The following DGLUCY variants were observed in gnomAD, a reference collection of about 807,000 sequenced individuals.
DGLUCY encodes D-glutamate cyclase, mitochondrial.
A neutral mutation model predicts 58.5 loss-of-function variants in DGLUCY; 58 were observed. The observed-to-expected ratio is 0.99, with a 90% confidence interval of 0.80 to 1.23. DGLUCY has a LOEUF of 1.23. DGLUCY is among the 50% of genes most tolerant of loss of function. The probability of loss-of-function intolerance (pLI) is 0.00; values close to 1 mark genes in which losing one functional copy is unlikely to be tolerated. For synonymous variants in DGLUCY, 325 were observed against 314.1 expected (o/e 1.03, Z -0.37); for missense variants, 779 against 784.7 (o/e 0.99, Z 0.09).
At chr14:91,072,180 C>T (rs972673724) in intron 1 of DGLUCY, among the ~76,000 whole-genome samples, 2 of 151,892 alleles carry the variant, frequency 1.3e-5, no homozygotes, top group South Asian at 4.2e-4. Flanking sequence ...AAAAACTAAC[C>T]AGGCATAGTG....
At chr14:91,106,176 C>T (rs1295129861), upstream of DGLUCY, among the ~76,000 whole-genome samples, 2 of 150,940 alleles carry the variant, frequency 1.3e-5, no homozygotes, top group East Asian at 2.0e-4. Context: ...GGCATGGTGA[C>T]GTGCGCCTGT....
intron 1 of DGLUCY, among the ~76,000 whole-genome samples, chr14:91,127,525 G>A (rs1276713086): frequency 6.6e-6 from 1 of 152,228 alleles, no homozygotes; most frequent in Non-Finnish European, 1.5e-5. Flanking sequence ...CAACACACTG[G>A]GCCTGGGCCA....
intron 1 of DGLUCY, among the ~76,000 whole-genome samples, chr14:91,074,118 TACACACACACACACACAC>T (rs3086753): frequency 1.4e-5 from 1 of 70,342 alleles, no homozygotes; most frequent in East Asian, 3.8e-4. Context: ...TATATATATA[TACACACACACACACACAC>T]ACACACACAC....
chr14:91,075,605 T>A lies in DGLUCY; in HGVS notation c.-82+14901T>A, dbSNP rs1282282732. Among the ~76,000 whole-genome samples, 3 of 152,204 alleles carry A rather than the reference T, an allele frequency of 2.0e-5. No individual in the cohort carries two copies. The East Asian group carries it at 5.8e-4, about 29-fold the overall frequency. ...GTTGTTGTTTTATTTTCCTGCTTGC[T>A]TTAGTCTTTCTAACTGGCTGACTGT... On this transcript the variant is annotated intron_variant, in intron 1 of 4. Coordinates refer to the DGLUCY transcript ENST00000521334.
chr14:91,205,213 G>T (rs1405967714), intron 12 of DGLUCY, among the ~76,000 whole-genome samples: 3 of 152,220 alleles, frequency 2.0e-5, no homozygotes, highest in Admixed American at 2.0e-4. Context: ...GGTCAGGAAG[G>T]CTTTTCTGAA....
chr14:91,069,299 G>A (rs922016542), intron 1 of DGLUCY, among the ~76,000 whole-genome samples: 8 of 152,086 alleles, frequency 5.3e-5, no homozygotes, highest in South Asian at 2.1e-4. Flanking sequence ...ATTTTGGGAC[G>A]GAGTCTTGCT....
intron 10 of DGLUCY, among the ~76,000 whole-genome samples, chr14:91,198,725 G>A (rs1039583362): frequency 6.6e-6 from 1 of 152,148 alleles, no homozygotes; most frequent in African/African-American, 2.4e-5. Flanking sequence ...AACCAACACT[G>A]ACTGAGCACT....
At chr14:91,198,512 A>G (rs552129393) in intron 10 of DGLUCY, among the ~76,000 whole-genome samples, 8 of 150,820 alleles carry the variant, frequency 5.3e-5, no homozygotes, top group Non-Finnish European at 1.2e-4. Flanking sequence ...ACACCTGGCT[A>G]ATTTCTGTAT....
chr14:91,077,633 TC>T (rs756502742), intron 1 of DGLUCY, among the ~76,000 whole-genome samples: 22 of 151,674 alleles, frequency 1.5e-4, no homozygotes, highest in Non-Finnish European at 2.4e-4. Context: ...GCGCCTGTAG[TC>T]CCAGCTACTC....
At chr14:91,192,995 G>A (rs1453388054) in intron 9 of DGLUCY, among the ~76,000 whole-genome samples, 1 of 152,156 alleles carries the variant, frequency 6.6e-6, no homozygotes, top group Non-Finnish European at 1.5e-5. Context: ...GAGAAATTGG[G>A]AGGCTGTTGG....
chr14:91,189,666 G>C (rs1044423126), intron 9 of DGLUCY: 5 of 167,538 alleles, frequency 3.0e-5, no homozygotes, highest in African/African-American at 1.2e-4. Flanking sequence ...CCAGATCAGC[G>C]TCGGGCTCAA....
intron 1 of DGLUCY, among the ~76,000 whole-genome samples, chr14:91,142,126 G>A (rs1037283308): frequency 2.0e-5 from 3 of 152,268 alleles, no homozygotes; most frequent in East Asian, 3.9e-4. Context: ...GATTACAGGC[G>A]TGAGCCATCG....
intron 1 of DGLUCY, among the ~76,000 whole-genome samples, chr14:91,143,078 T>TTTTTG (rs1299297287): frequency 7.3e-5 from 11 of 151,296 alleles, no homozygotes; most frequent in African/African-American, 2.7e-4. Context: ...GGCAGTTCTT[T>TTTTTG]TTTTGTTTTG....
chr14:91,123,849 A>C (rs1187281706), intron 1 of DGLUCY, among the ~76,000 whole-genome samples: 1 of 151,218 alleles, frequency 6.6e-6, no homozygotes. Context: ...AAGTGCTGGG[A>C]TTACACGCAT....
rs55943032 is a variant in DGLUCY, at chr14:91,208,551, C to T, written c.1564+3726C>T. ...ATCACTTGAGCCTAGGAATTTGATA[C>T]CAGCCTGGGCAACATGGGGAAACCC... On this transcript the variant is annotated intron_variant, in intron 12 of 13. Coordinates refer to ENST00000256324, the MANE Select transcript of DGLUCY (RefSeq NM_001102368.3). Among the ~76,000 whole-genome samples the T allele has an allele frequency of 3.2e-3, 485 of 152,140 alleles. 1 individual carries two copies. The highest frequency in any genetic ancestry group is 8.9e-3 in the South Asian group (43 of 4,808).
At chr14:91,172,741 G>A (rs1051494636) in intron 5 of DGLUCY, among the ~76,000 whole-genome samples, 4 of 151,960 alleles carry the variant, frequency 2.6e-5, no homozygotes, top group African/African-American at 7.3e-5. Flanking sequence ...CCGCCTCCTG[G>A]GTTCAAGCCG....
At chr14:91,137,991 A>C (rs547510850) in intron 1 of DGLUCY, among the ~76,000 whole-genome samples, 12 of 152,254 alleles carry the variant, frequency 7.9e-5, no homozygotes, top group African/African-American at 2.9e-4. Context: ...CCAAAAAGAC[A>C]CTGCGTGATT....
At chr14:91,122,002 G>T (rs1199909430) in intron 1 of DGLUCY, among the ~76,000 whole-genome samples, 1 of 152,148 alleles carries the variant, frequency 6.6e-6, no homozygotes, top group Admixed American at 6.5e-5. Context: ...GATGATCACA[G>T]AAGAGCTAAG....
chr14:91,074,393 C>T (rs1321011087), intron 1 of DGLUCY, among the ~76,000 whole-genome samples: 3 of 150,814 alleles, frequency 2.0e-5, no homozygotes, highest in Non-Finnish European at 4.4e-5. Flanking sequence ...GTGGGAGGAT[C>T]ACTTGAACCC....
Sources: allele counts gnomAD v4.1 joint callset (sites outside exome capture counted in the v4.1 genomes callset), GRCh38; gene constraint gnomAD v4.1.1; transcripts MANE v1.5; gene names NCBI Gene and HGNC (gene_info 2026-07-23, HGNC 2026-07-21).